The following CENPP variants were observed in gnomAD, a reference collection of about 807,000 sequenced individuals.
CENPP encodes centromere protein P.
CENPP carries 24 observed loss-of-function variants against 35.6 expected under a neutral mutation model. The ratio of observed to expected loss-of-function variants is 0.67; its 90% CI spans 0.49 to 0.95. The LOEUF is 0.95. Among genes scored for constraint, CENPP ranks in the 40% least tolerant of loss-of-function variants. The pLI, the probability that CENPP is intolerant of heterozygous loss-of-function variation, is 0.00. For missense variants in CENPP, 332 were observed against 345.3 expected (o/e 0.96, Z 0.31); for synonymous variants, 120 against 125.5 (o/e 0.96, Z 0.29).
chr9:92,584,804 A>G (rs920653967), intron 5 of CENPP, among the ~76,000 whole-genome samples: 2 of 152,236 alleles, frequency 1.3e-5, no homozygotes, highest in Non-Finnish European at 2.9e-5. Flanking sequence ...TTATTTCTCA[A>G]TTATTCTTCC....
intron 5 of CENPP, among the ~76,000 whole-genome samples, chr9:92,386,818 G>A (rs1404263059): frequency 2.0e-5 from 3 of 152,020 alleles, no homozygotes; most frequent in East Asian, 3.9e-4. Flanking sequence ...TCCTGACCTC[G>A]TGATCTGCCC....
intron 5 of CENPP, among the ~76,000 whole-genome samples, chr9:92,573,100 C>T (rs567577851): frequency 5.3e-5 from 8 of 152,342 alleles, no homozygotes; most frequent in Admixed American, 1.3e-4. Flanking sequence ...TCTCTCAACT[C>T]GTCAAAGTCA....
intron 5 of CENPP, among the ~76,000 whole-genome samples, chr9:92,580,314 C>T (rs1035208523): frequency 3.9e-5 from 6 of 152,150 alleles, no homozygotes; most frequent in African/African-American, 1.4e-4. Context: ...ATGCTAGCCT[C>T]ATAAAAAGAG....
At chr9:92,420,811 T>G (rs1451260404) in intron 5 of CENPP, among the ~76,000 whole-genome samples, 1 of 152,160 alleles carries the variant, frequency 6.6e-6, no homozygotes, top group Non-Finnish European at 1.5e-5. Context: ...TTTGTGCAAC[T>G]CTATATTACA....
intron 5 of CENPP, among the ~76,000 whole-genome samples, chr9:92,601,298 C>A (rs373003072): frequency 6.6e-6 from 1 of 152,100 alleles, no homozygotes; most frequent in African/African-American, 2.4e-5. Context: ...AGTCAGGCAC[C>A]TTTTGTCCAG....
At chr9:92,389,691 A>T in intron 5 of CENPP, 1 of 553,382 alleles carries the variant, frequency 1.8e-6, no homozygotes, top group Non-Finnish European at 3.2e-6. Context: ...AGCTAGGCTG[A>T]ATGAGCCTAA....
chr9:92,386,146 A>C (rs1842410177), intron 5 of CENPP: 5 of 1,359,770 alleles, frequency 3.7e-6, no homozygotes, highest in Non-Finnish European at 4.2e-6. Flanking sequence ...AATGAGTCAC[A>C]AGATTTTGAC....
chr9:92,497,493 G>A (rs529419574), intron 5 of CENPP, among the ~76,000 whole-genome samples: 83 of 151,672 alleles, frequency 5.5e-4, no homozygotes, highest in Middle Eastern at 3.4e-3. Flanking sequence ...GCATGGTGGC[G>A]TATCCTTGTA....
chr9:92,453,433 G>A (rs925187141), intron 5 of CENPP, among the ~76,000 whole-genome samples: 2 of 152,154 alleles, frequency 1.3e-5, no homozygotes, highest in African/African-American at 4.8e-5. Flanking sequence ...TTAATACTGA[G>A]TTCTAATTTG....
At chr9:92,576,196 G>C (rs1043711912) in intron 5 of CENPP, among the ~76,000 whole-genome samples, 12 of 152,190 alleles carry the variant, frequency 7.9e-5, no homozygotes, top group Admixed American at 3.3e-4. Flanking sequence ...TCTGATATGT[G>C]CTACAAAATG....
At chr9:92,516,942 T>TAG in intron 5 of CENPP, 1 of 152,424 alleles carries the variant, frequency 6.6e-6, no homozygotes, top group Non-Finnish European at 1.5e-5. Context: ...AAGATGTCCC[T>TAG]ATCCCTTCCC....
chr9:92,617,853 G>A lies in CENPP; in HGVS notation c.*4704G>A, dbSNP rs901362917. On this transcript the variant is annotated 3_prime_UTR_variant, in exon 8 of 8. Transcript: ENST00000375587. Reference sequence around the variant, plus strand: ...GGACAAAGCTCTGCAGCGACAGGAAGGCAGATCCAACTTGAGACATTTTCC... The same window carrying A: ...GGACAAAGCTCTGCAGCGACAGGAAAGCAGATCCAACTTGAGACATTTTCC... 16 of 211,616 alleles carry A rather than the reference G, an allele frequency of 7.6e-5. No homozygotes were observed. Among genetic ancestry groups the A allele is most frequent in the African/African-American group, 1.2e-4 (5 of 43,036 alleles). 13.1% of individuals were successfully genotyped at this position (211,616 alleles called of 1,614,324 possible).
chr9:92,325,973 G>C lies in CENPP; in HGVS notation c.-26G>C, dbSNP rs142766418. The C allele has an allele frequency of 3.6e-5, 55 of 1,540,136 alleles. No homozygotes were observed. The highest frequency in any genetic ancestry group is 9.8e-5 in the Admixed American group (5 of 50,878). On this transcript the variant is annotated 5_prime_UTR_variant, in exon 1 of 8. Coordinates refer to ENST00000375587, the MANE Select transcript of CENPP (RefSeq NM_001012267.3). ...AGGTCGGAGTGACAGCTGCGCTGCC[G>C]GCCCGGCTGCGGTCAGCAACGCGCC... is the stretch of plus-strand genomic sequence containing the variant.
In CENPP at chr9:92,474,476, G is replaced by A. The variant is rs557550719; in HGVS notation, c.564+94617G>A. ...AAAAATAAGTTTGGATGTACTTTGG[G>A]GTTTGCTGTACTTTCCACCTAAAAA... On this transcript the variant is annotated intron_variant, in intron 5 of 7. Coordinates refer to ENST00000375587, the MANE Select transcript of CENPP (RefSeq NM_001012267.3). The A allele has an allele frequency of 5.1e-4, 565 of 1,118,216 alleles. 5 individuals are homozygous for A. The South Asian group carries it at 9.7e-3, about 19-fold the overall frequency. The allele number at this position is 1,118,216 out of a possible 1,614,324, so 69.3% of individuals were successfully genotyped here.
intron 5 of CENPP, among the ~76,000 whole-genome samples, chr9:92,432,958 T>C (rs947983736): frequency 1.3e-5 from 2 of 152,210 alleles, no homozygotes; most frequent in African/African-American, 4.8e-5. Context: ...AAAAAAAATT[T>C]TGGATTTGAA....
chr9:92,416,823 A>C, intron 5 of CENPP: 3 of 1,613,938 alleles, frequency 1.9e-6, no homozygotes, highest in Non-Finnish European at 2.5e-6. Flanking sequence ...GGTATAGAAG[A>C]AATTGAATTA....
At chr9:92,548,322 A>G (rs765214376) in intron 5 of CENPP, among the ~76,000 whole-genome samples, 7 of 152,222 alleles carry the variant, frequency 4.6e-5, no homozygotes, top group Non-Finnish European at 8.8e-5. Context: ...TAATGTGAAA[A>G]TTGATGCTGT....
chr9:92,366,982 A>G (rs1271194061), intron 4 of CENPP, among the ~76,000 whole-genome samples: 2 of 152,158 alleles, frequency 1.3e-5, no homozygotes, highest in Non-Finnish European at 2.9e-5. Context: ...CAGGTGTACA[A>G]CACAGTTCAT....
chr9:92,420,452 T>C (rs1843755356), intron 5 of CENPP, among the ~76,000 whole-genome samples: 1 of 152,194 alleles, frequency 6.6e-6, no homozygotes, highest in Non-Finnish European at 1.5e-5. Flanking sequence ...CAGCTGAATG[T>C]AACTAAAGAA....
Sources: gnomAD v4.1 joint callset for allele counts (sites outside exome capture counted in the v4.1 genomes callset) on GRCh38, gnomAD v4.1.1 for gene constraint, MANE v1.5 for transcripts, NCBI Gene and HGNC (gene_info 2026-07-23, HGNC 2026-07-21) for gene names.